Variants in CFAP44 observed in about 807,000 individuals in gnomAD.
CFAP44 encodes cilia- and flagella-associated protein 44.
A neutral mutation model predicts 216.2 loss-of-function variants in CFAP44; 134 were observed. The ratio of observed to expected loss-of-function variants is 0.62; its 90% CI spans 0.54 to 0.72. CFAP44 has a LOEUF of 0.72. Among genes scored for constraint, CFAP44 ranks in the 30% least tolerant of loss-of-function variants. The probability of loss-of-function intolerance (pLI) is 0.00; values close to 1 mark genes in which losing one functional copy is unlikely to be tolerated. For synonymous variants in CFAP44, 700 were observed against 727.6 expected (o/e 0.96, Z 0.61); for missense variants, 2,035 against 2,182.1 (o/e 0.93, Z 1.34).
chr3:113,399,465 T>C (rs898593707), intron 13 of CFAP44, among the ~76,000 whole-genome samples: 1 of 144,542 alleles, frequency 6.9e-6, no homozygotes, highest in African/African-American at 2.4e-5. Flanking sequence ...TTTTGACTAC[T>C]ATCTGCCTCT....
At chr3:113,313,162 G>T (rs145590512) in intron 28 of CFAP44, among the ~76,000 whole-genome samples, 102 of 152,210 alleles carry the variant, frequency 6.7e-4, no homozygotes, top group Non-Finnish European at 1.4e-3. Context: ...AAGCCACAGG[G>T]GTAGAGCTGC....
chr3:113,368,926 C>T (rs1324130827), intron 18 of CFAP44, among the ~76,000 whole-genome samples: 1 of 152,090 alleles, frequency 6.6e-6, no homozygotes, highest in Non-Finnish European at 1.5e-5. Context: ...GCAAAAAAAG[C>T]AGAGGTTGCA....
At chr3:113,318,131 G>C (rs1173872559) in intron 28 of CFAP44, among the ~76,000 whole-genome samples, 1 of 152,172 alleles carries the variant, frequency 6.6e-6, no homozygotes, top group African/African-American at 2.4e-5. Flanking sequence ...TCAAGATTCA[G>C]GAGATAGTTG....
intron 4 of CFAP44, among the ~76,000 whole-genome samples, chr3:113,424,707 T>G (rs751573529): frequency 2.6e-5 from 4 of 152,148 alleles, no homozygotes; most frequent in Non-Finnish European, 5.9e-5. Flanking sequence ...GTAAGCTACT[T>G]TGTGATTTTC....
At chr3:113,362,794 C>T in intron 21 of CFAP44, 1 of 846,748 alleles carries the variant, frequency 1.2e-6, no homozygotes, top group Non-Finnish European at 1.5e-6. Context: ...CCGGACGCTT[C>T]AGGCCAATTT....
chr3:113,340,462 G>C (rs1334510788), intron 24 of CFAP44, among the ~76,000 whole-genome samples: 1 of 152,186 alleles, frequency 6.6e-6, no homozygotes, highest in African/African-American at 2.4e-5. Flanking sequence ...GCAGGGTTTC[G>C]AAAGAGAGGC....
At position 113,401,236 on chromosome 3, in the gene CFAP44, T is replaced by G; in HGVS notation, c.1374+4A>C. The G allele has an allele frequency of 6.3e-7, 1 of 1,583,834 alleles. No individual in the cohort carries two copies. The highest frequency in any genetic ancestry group is 8.5e-7 in the Non-Finnish European group (1 of 1,170,064). ...GGAGAAAATAAGAATAATAGGCAACTTACAATATTTGAAAAACTAAGGTCA... is the reference window on the plus strand; with the variant it reads ...GGAGAAAATAAGAATAATAGGCAACGTACAATATTTGAAAAACTAAGGTCA... On this transcript the variant is annotated splice_donor_region_variant and intron_variant, in intron 11 of 34. Coordinates refer to ENST00000393845, the MANE Select transcript of CFAP44 (RefSeq NM_001164496.2).
intron 5 of CFAP44, among the ~76,000 whole-genome samples, chr3:113,418,994 G>A (rs747908617): frequency 4.6e-5 from 7 of 152,146 alleles, no homozygotes; most frequent in East Asian, 1.9e-4. Flanking sequence ...ATGAGCCACC[G>A]TGCTTGGCCA....
At chr3:113,302,345 GCAAGACACACA>G (rs1418683593) in intron 32 of CFAP44, among the ~76,000 whole-genome samples, 1 of 148,860 alleles carries the variant, frequency 6.7e-6, no homozygotes, top group Non-Finnish European at 1.5e-5. Flanking sequence ...GATTTCTTAA[GCAAGACACACA>G]CACATACACA....
intron 2 of CFAP44, 42 bp downstream of exon 2, chr3:113,433,523 A>C (rs1935161829): frequency 1.5e-6 from 2 of 1,316,122 alleles, no homozygotes; most frequent in South Asian, 2.6e-5. Flanking sequence ...ATGTTTACCT[A>C]AGTTTAATAC....
Position 113,287,318 on chromosome 3 carries a change from C to G in CFAP44, c.*4239G>C, listed in dbSNP as rs765821300. 1 of 303,014 alleles carries G rather than the reference C, an allele frequency of 3.3e-6. No individual in the cohort carries two copies. Among genetic ancestry groups the G allele is most frequent in the Non-Finnish European group, 6.5e-6 (1 of 153,168 alleles). 18.8% of individuals were successfully genotyped at this position (303,014 alleles called of 1,614,324 possible). A position where few individuals can be genotyped will look rare whatever the true frequency, so the allele number is the denominator to read the frequency against. On this transcript the variant is annotated 3_prime_UTR_variant, in exon 35 of 35. Transcript: ENST00000393845. ...CTACGGGAAACATTTTCCTAAGATG[C>G]CCATGAGAACAGACCAAGATGTGTA...
chr3:113,331,498 A>G (rs1232117954), intron 25 of CFAP44, among the ~76,000 whole-genome samples: 1 of 152,182 alleles, frequency 6.6e-6, no homozygotes, highest in Admixed American at 6.5e-5. Context: ...AGTCTTACAA[A>G]AGCTACATAT....
chr3:113,364,047 C>T (rs1422600586), intron 19 of CFAP44, among the ~76,000 whole-genome samples: 1 of 151,888 alleles, frequency 6.6e-6, no homozygotes, highest in African/African-American at 2.4e-5. Flanking sequence ...CAATATAATC[C>T]CCCTCCTTGA....
At chr3:113,307,285 C>T (rs1949995399) in intron 29 of CFAP44, among the ~76,000 whole-genome samples, 1 of 152,174 alleles carries the variant, frequency 6.6e-6, no homozygotes. Context: ...TGGCATTTCT[C>T]TATAAAATTA....
At chr3:113,306,381 G>A (rs1455324942) in intron 29 of CFAP44, 50 bp from the exon 30 acceptor site, 15 of 1,520,352 alleles carry the variant, frequency 9.9e-6, no homozygotes, top group Non-Finnish European at 1.3e-5. Context: ...ATGGAATGTG[G>A]TAGTACTAAA....
intron 24 of CFAP44, among the ~76,000 whole-genome samples, chr3:113,338,503 A>C (rs1950301905): frequency 6.6e-6 from 1 of 152,196 alleles, no homozygotes; most frequent in African/African-American, 2.4e-5. Flanking sequence ...ATGGCAAATA[A>C]ACCAATGAAA....
At chr3:113,374,363 T>TTTTATTCATTTA (rs373863394) in intron 17 of CFAP44, among the ~76,000 whole-genome samples, 5 of 146,674 alleles carry the variant, frequency 3.4e-5, no homozygotes, top group Non-Finnish European at 6.0e-5. Flanking sequence ...TGTCAATTTC[T>TTTTATTCATTTA]TTTATTTATT....
chr3:113,401,340 T>G, intron 10 of CFAP44, 53 bp from the exon 11 acceptor site: 1 of 1,485,454 alleles, frequency 6.7e-7, no homozygotes, highest in Non-Finnish European at 9.1e-7. Flanking sequence ...TCATCAGATT[T>G]TTTAAATGTT....
At chr3:113,334,335 T>C (rs1346614704) in intron 24 of CFAP44, among the ~76,000 whole-genome samples, 1 of 152,154 alleles carries the variant, frequency 6.6e-6, no homozygotes, top group African/African-American at 2.4e-5. Context: ...AGCATACATA[T>C]TTGCCTCTCC....
Sources: gnomAD v4.1 joint callset for allele counts (sites outside exome capture counted in the v4.1 genomes callset) on GRCh38, gnomAD v4.1.1 for gene constraint, MANE v1.5 for transcripts, NCBI Gene and HGNC (gene_info 2026-07-23, HGNC 2026-07-21) for gene names.